ORC2: variants seen among roughly 807,000 people sequenced by gnomAD.
ORC2 encodes the protein origin recognition complex subunit 2.
In ORC2, 37 loss-of-function variants were observed where a neutral mutation model predicts 77.7. The ratio of observed to expected loss-of-function variants is 0.48; its 90% CI spans 0.37 to 0.63. The LOEUF (loss-of-function observed/expected upper bound fraction) is 0.63, where lower values mean the gene tolerates loss of function less well. Ranked by LOEUF, ORC2 falls within the 20% of genes least tolerant of loss-of-function variation. The pLI is 0.00. For missense variants in ORC2, 557 were observed against 661.9 expected, an observed-to-expected ratio of 0.84 and a Z score of 1.74; for synonymous variants, 201 against 229.5, an observed-to-expected ratio of 0.88 and a Z score of 1.12.
chr2:200,934,935 T>C (rs2041009068), intron 9 of ORC2, among the ~76,000 whole-genome samples: 1 of 152,184 alleles, frequency 6.6e-6, no homozygotes, highest in Non-Finnish European at 1.5e-5. Context: ...GTGCCTGCAA[T>C]GTTCTTCCAA....
intron 4 of ORC2, among the ~76,000 whole-genome samples, chr2:200,952,714 A>T (rs2041384775): frequency 6.6e-6 from 1 of 152,074 alleles, no homozygotes; most frequent in African/African-American, 2.4e-5. Flanking sequence ...TACTACACTC[A>T]GATAGCATCA....
intron 6 of ORC2, 37 bp downstream of exon 6, chr2:200,942,648 T>C (rs957497544): frequency 1.2e-5 from 14 of 1,151,042 alleles, no homozygotes; most frequent in African/African-American, 9.3e-5. Flanking sequence ...GAAGCAACTA[T>C]GAAAATTCTT....
intron 5 of ORC2, among the ~76,000 whole-genome samples, chr2:200,945,359 C>T (rs2041232202): frequency 6.6e-6 from 1 of 152,168 alleles, no homozygotes; most frequent in Non-Finnish European, 1.5e-5. Context: ...AGTTCGAGAC[C>T]AGACTGGGCA....
At chr2:200,952,385 G>A (rs913779015) in intron 4 of ORC2, among the ~76,000 whole-genome samples, 5 of 151,762 alleles carry the variant, frequency 3.3e-5, no homozygotes, top group Non-Finnish European at 7.4e-5. Context: ...TCCACCTCCC[G>A]AGTAGCTGGG....
Position 200,935,731 on chromosome 2 carries a change from T to C in ORC2, c.676A>G (p.Thr226Ala), listed in dbSNP as rs1473533090. 3 of 1,613,036 alleles carry C rather than the reference T, an allele frequency of 1.9e-6. No individual in the cohort carries two copies. The highest frequency in any genetic ancestry group is 1.3e-5 in the African/African-American group (1 of 74,970). The change falls in exon 9 of 18, where the codon ACA (threonine) becomes GCA (alanine). Residue 226 changes from threonine (T) to alanine (A), a missense_variant. By Grantham distance (58) the Thr-to-Ala change is moderately conservative (BLOSUM62 0). Transcript: ENST00000234296. ...RVVSAPVGKE[T>A]PSKRMKRDKT... is the part of the protein sequence containing the mutation. ...TCTCTTTTCATTCTCTTAGAAGGTG[T>C]TTCTTTGCCAACAGGAGCTGAAACT...
intron 10 of ORC2, 113 bp downstream of exon 10, chr2:200,933,763 T>C: frequency 7.0e-6 from 4 of 570,614 alleles, no homozygotes; most frequent in Non-Finnish European, 1.3e-5. Flanking sequence ...TTGTGTTTCA[T>C]TTGATCAGGA....
chr2:200,923,725 C>T (rs919090379), intron 13 of ORC2, among the ~76,000 whole-genome samples: 23 of 151,944 alleles, frequency 1.5e-4, no homozygotes, highest in African/African-American at 4.4e-4. Flanking sequence ...ACTATGCTTG[C>T]GGGCCATTTT....
At chr2:200,915,003 CTTTTTTTTTTTT>C (rs1158807101) in intron 15 of ORC2, among the ~76,000 whole-genome samples, 14 of 65,270 alleles carry the variant, frequency 2.1e-4, no homozygotes, top group East Asian at 7.7e-4. Context: ...CTTCCCACGT[CTTTTTTTTTTTT>C]TTTTTTTTTT....
chr2:200,937,382 G>C (rs182459159), intron 8 of ORC2, among the ~76,000 whole-genome samples: 1 of 152,246 alleles, frequency 6.6e-6, no homozygotes, highest in Admixed American at 6.5e-5. Flanking sequence ...TCCATACCTT[G>C]AAAAGAAAGG....
chr2:200,920,866 G>A (rs983501248), intron 14 of ORC2, 127 bp downstream of exon 14: 1 of 558,992 alleles, frequency 1.8e-6, no homozygotes, highest in Non-Finnish European at 2.7e-6. Context: ...TTGGCAACCT[G>A]TGTTTTTAAA....
At chr2:200,952,790 A>G (rs180911812) in intron 4 of ORC2, among the ~76,000 whole-genome samples, 1 of 151,700 alleles carries the variant, frequency 6.6e-6, no homozygotes, top group East Asian at 1.9e-4. Context: ...TTGATGCATT[A>G]TGGATATGAT....
At chr2:200,944,422 C>G (rs1337316221) in intron 5 of ORC2, among the ~76,000 whole-genome samples, 2 of 152,166 alleles carry the variant, frequency 1.3e-5, no homozygotes, top group Non-Finnish European at 2.9e-5. Context: ...ATCTGCCTGC[C>G]TTGGCCTCCC....
intron 5 of ORC2, among the ~76,000 whole-genome samples, chr2:200,947,681 T>A (rs1192261617): frequency 6.6e-6 from 1 of 152,194 alleles, no homozygotes; most frequent in African/African-American, 2.4e-5. Flanking sequence ...CTTACTGCTT[T>A]CAAAAATGAT....
At position 200,957,375 on chromosome 2, in the gene ORC2, AGT is replaced by A. The variant is rs1249586669; in HGVS notation, c.238+24_238+25del. ...GCAATTTCTGCTACTAGCAGAAACG[AGT>A]GTATATTTCACCCCCTCAAATACCT... On this transcript the variant is annotated intron_variant, in intron 4 of 17. Transcript: ENST00000234296. The A allele has an allele frequency of 2.0e-6, 3 of 1,523,082 alleles. No homozygotes were observed. The African/African-American group carries it at 4.2e-5, about 22-fold the overall frequency. The allele number at this position is 1,523,082 out of a possible 1,614,324, so 94.3% of individuals were successfully genotyped here.
intron 1 of ORC2, 136 bp from the exon 2 acceptor site, chr2:200,959,576 A>G (rs2041532056): frequency 6.6e-6 from 1 of 152,226 alleles, no homozygotes; most frequent in African/African-American, 2.4e-5. Context: ...AGCTGTTGTA[A>G]TGGTATAGTA....
At position 200,920,108 on chromosome 2, in the gene ORC2, T is replaced by C. The variant is rs1034410959; in HGVS notation, c.1466+114A>G. ...CCAGTACTGGTAACTATTATTACTA[T>C]AATTTCACTTAATCCTTCAACTAAC... is the stretch of plus-strand genomic sequence containing the variant. On this transcript the variant is annotated intron_variant, in intron 15 of 17. Coordinates refer to ENST00000234296, the MANE Select transcript of ORC2 (RefSeq NM_006190.5). 4 of 705,792 alleles carry C rather than the reference T, an allele frequency of 5.7e-6. No homozygotes were observed. In the African/African-American group the frequency reaches 7.1e-5, roughly 13 times the overall value. 43.7% of individuals were successfully genotyped at this position (705,792 alleles called of 1,614,324 possible). A position where few individuals can be genotyped will look rare whatever the true frequency, so the allele number is the denominator to read the frequency against.
Position 200,952,631 on chromosome 2 carries a change from C to T in ORC2, c.239-2988G>A, listed in dbSNP as rs188494913. Among the ~76,000 whole-genome samples, 23 of 152,020 alleles carry T rather than the reference C, an allele frequency of 1.5e-4. 1 individual carries two copies. The highest frequency in any genetic ancestry group is 5.3e-4 in the African/African-American group (22 of 41,466). ...AACTTGAAAAAGTTATTAACTAAAA[C>T]AACTGGTTTTAAATAAGGTGAGAAT... On this transcript the variant is annotated intron_variant, in intron 4 of 17. Transcript: ENST00000234296.
rs2040515485 is a variant in ORC2, at chr2:200,909,423, C to T, written c.*1878G>A. ...CTAGAGGTTATATTTAAGACTAAGC[C>T]CTTGGCCAGGCATAGTGGCTCACCC... On this transcript the variant is annotated 3_prime_UTR_variant, in exon 18 of 18. Transcript: ENST00000234296. 1 of 151,800 alleles carries T rather than the reference C, an allele frequency of 6.6e-6. No homozygotes were observed. The allele number at this position is 151,800 out of a possible 1,614,324, so 9.4% of individuals were successfully genotyped here. A position where few individuals can be genotyped will look rare whatever the true frequency, so the allele number is the denominator to read the frequency against.
At chr2:200,940,030 C>T (rs918711695) in intron 7 of ORC2, among the ~76,000 whole-genome samples, 7 of 152,202 alleles carry the variant, frequency 4.6e-5, no homozygotes, top group Non-Finnish European at 2.9e-5. Flanking sequence ...AATGTCTATA[C>T]TGACTGTGGA....
Sources: gnomAD v4.1 joint callset for allele counts (sites outside exome capture counted in the v4.1 genomes callset) on GRCh38, gnomAD v4.1.1 for gene constraint, MANE v1.5 for transcripts, NCBI Gene and HGNC (gene_info 2026-07-23, HGNC 2026-07-21) for gene names.